RAB38: variants seen among roughly 807,000 people sequenced by gnomAD.
RAB38 encodes the protein RAB38, member RAS oncogene family.
In RAB38, 15 loss-of-function variants were observed where a neutral mutation model predicts 18.4. The observed-to-expected ratio is 0.82, with a 90% CI of 0.55 to 1.26. The LOEUF (loss-of-function observed/expected upper bound fraction) is 1.26, where lower values mean the gene tolerates loss of function less well. Ranked by LOEUF, RAB38 falls within the 50% of genes most tolerant of loss-of-function variation. The pLI is 0.00. For synonymous variants in RAB38, 101 were observed against 104.4 expected, an observed-to-expected ratio of 0.97 and a Z score of 0.20; for missense variants, 294 against 267.4, an observed-to-expected ratio of 1.10 and a Z score of -0.69.
the RAB38 span, among the ~76,000 whole-genome samples, chr11:87,949,640 A>G: frequency 7.9e-5 from 12 of 152,134 alleles, no homozygotes; most frequent in African/African-American, 2.9e-4. Flanking sequence ...CCTTCATTTC[A>G]TTATGTACCC....
chr11:87,804,968 A>G, the RAB38 span, among the ~76,000 whole-genome samples: 1 of 152,196 alleles, frequency 6.6e-6, no homozygotes, highest in African/African-American at 2.4e-5. Flanking sequence ...GTCTCTCAAT[A>G]TCTCAGCCTT....
chr11:88,050,936 T>C, the RAB38 span, among the ~76,000 whole-genome samples: 1 of 152,068 alleles, frequency 6.6e-6, no homozygotes, highest in Non-Finnish European at 1.5e-5. Context: ...CAGATGGAGG[T>C]GCAGTTGTAG....
the RAB38 span, among the ~76,000 whole-genome samples, chr11:87,821,431 G>A: frequency 7.9e-5 from 12 of 152,156 alleles, no homozygotes; most frequent in African/African-American, 2.9e-4. Context: ...TACCAGCAAT[G>A]ACTCTCTATA....
At chr11:88,005,200 A>G in the RAB38 span, among the ~76,000 whole-genome samples, 1 of 151,490 alleles carries the variant, frequency 6.6e-6, no homozygotes, top group African/African-American at 2.4e-5. Flanking sequence ...GAAAATAGGA[A>G]TAAACTCAGA....
chr11:87,937,352 C>G, the RAB38 span, among the ~76,000 whole-genome samples: 1 of 75,368 alleles, frequency 1.3e-5, no homozygotes, highest in Non-Finnish European at 2.6e-5. Flanking sequence ...ATATATATAT[C>G]ATAATTCTAT....
At chr11:88,112,116 G>A (rs1449345095), downstream of RAB38, among the ~76,000 whole-genome samples, 2 of 152,068 alleles carry the variant, frequency 1.3e-5, no homozygotes, top group East Asian at 1.9e-4. Context: ...CGGCCTTATC[G>A]CCATGATCCA....
the RAB38 span, among the ~76,000 whole-genome samples, chr11:88,089,046 G>A: frequency 6.6e-6 from 1 of 151,872 alleles, no homozygotes; most frequent in Non-Finnish European, 1.5e-5. Flanking sequence ...AAATCTCTGA[G>A]ATACAAATCC....
At chr11:88,073,659 T>G in the RAB38 span, among the ~76,000 whole-genome samples, 2 of 152,022 alleles carry the variant, frequency 1.3e-5, no homozygotes, top group African/African-American at 4.8e-5. Context: ...CAAGAAATTG[T>G]GATTTTCTCA....
the RAB38 span, chr11:87,817,418 A>C: frequency 4.6e-5 from 7 of 152,178 alleles, no homozygotes; most frequent in Non-Finnish European, 1.0e-4. Context: ...TTAGGTTAAA[A>C]CTCATTTAAG....
the RAB38 span, among the ~76,000 whole-genome samples, chr11:87,888,282 A>T: frequency 6.6e-6 from 1 of 151,970 alleles, no homozygotes; most frequent in Non-Finnish European, 1.5e-5. Flanking sequence ...GTTGTAAAAT[A>T]CTATGTATTT....
intron 2 of RAB38, among the ~76,000 whole-genome samples, chr11:88,119,202 C>T (rs1032512863): frequency 3.3e-5 from 5 of 152,070 alleles, no homozygotes; most frequent in Non-Finnish European, 5.9e-5. Flanking sequence ...ATTGGTCTGA[C>T]ATGGGGCCCT....
chr11:88,129,320 TA>T (rs1394928311), intron 2 of RAB38, among the ~76,000 whole-genome samples: 1 of 151,590 alleles, frequency 6.6e-6, no homozygotes, highest in East Asian at 1.9e-4. Context: ...TGAGAGAAAA[TA>T]AAAAGGAATA....
chr11:87,938,328 C>G, the RAB38 span, among the ~76,000 whole-genome samples: 1 of 152,030 alleles, frequency 6.6e-6, no homozygotes. Context: ...AGGTTGGAAG[C>G]TCAGCCTCCC....
intron 1 of RAB38, among the ~76,000 whole-genome samples, chr11:88,160,772 C>A (rs185453781): frequency 2.0e-4 from 30 of 152,142 alleles, no homozygotes; most frequent in African/African-American, 7.2e-4. Flanking sequence ...TAAGTGGGAG[C>A]TATACATCAG....
chr11:88,027,621 T>C, the RAB38 span, among the ~76,000 whole-genome samples: 42 of 152,322 alleles, frequency 2.8e-4, no homozygotes, highest in African/African-American at 8.2e-4. Flanking sequence ...CGCTGATTGC[T>C]AGCACAGCAG....
chr11:87,912,624 T>C, the RAB38 span, among the ~76,000 whole-genome samples: 1 of 151,956 alleles, frequency 6.6e-6, no homozygotes, highest in Non-Finnish European at 1.5e-5. Flanking sequence ...TAGATGTTTG[T>C]CAGACTCATT....
the RAB38 span, among the ~76,000 whole-genome samples, chr11:87,942,569 A>AGACTT: frequency 1.3e-5 from 2 of 152,156 alleles, no homozygotes. Flanking sequence ...GTAAAGATTA[A>AGACTT]GACTTGACTT....
At chr11:87,949,259 A>G in the RAB38 span, among the ~76,000 whole-genome samples, 1 of 151,982 alleles carries the variant, frequency 6.6e-6, no homozygotes, top group East Asian at 1.9e-4. Context: ...ATTTTATTGC[A>G]TCTATTTGAT....
chr11:88,004,447 G>A, the RAB38 span, among the ~76,000 whole-genome samples: 14 of 151,044 alleles, frequency 9.3e-5, no homozygotes, highest in Admixed American at 6.0e-4. Context: ...AAAACTATCA[G>A]AAAACCTGAA....
Sources: allele counts gnomAD v4.1 joint callset (sites outside exome capture counted in the v4.1 genomes callset), GRCh38; gene constraint gnomAD v4.1.1; transcripts MANE v1.5; gene names NCBI Gene and HGNC (gene_info 2026-07-23, HGNC 2026-07-21).